CWF19L2: variants seen among roughly 807,000 people sequenced by gnomAD.
CWF19L2 encodes CWF19 like cell cycle control factor 2.
A neutral mutation model predicts 111.7 loss-of-function variants in CWF19L2; 98 were observed. The observed-to-expected ratio is 0.88, with a 90% CI of 0.75 to 1.04. The LOEUF is 1.04. Among genes scored for constraint, CWF19L2 ranks in the 50% least tolerant of loss-of-function variants. The pLI is 0.00. For synonymous variants in CWF19L2, 351 were observed against 342.9 expected (o/e 1.02, Z -0.26); for missense variants, 1,101 against 1,051.4 (o/e 1.05, Z -0.65).
intron 4 of CWF19L2, among the ~76,000 whole-genome samples, chr11:107,442,228 G>A (rs1861627637): frequency 6.6e-6 from 1 of 152,208 alleles, no homozygotes. Flanking sequence ...TCTCACAGTA[G>A]AAGGGGAAGG....
At chr11:107,439,912 A>G (rs913874530) in intron 5 of CWF19L2, among the ~76,000 whole-genome samples, 1 of 152,156 alleles carries the variant, frequency 6.6e-6, no homozygotes, top group Non-Finnish European at 1.5e-5. Flanking sequence ...CTCAGCATGG[A>G]GGAAAGTCTG....
chr11:107,420,835 G>C (rs1861293552), intron 8 of CWF19L2, among the ~76,000 whole-genome samples: 1 of 152,050 alleles, frequency 6.6e-6, no homozygotes, highest in Non-Finnish European at 1.5e-5. Flanking sequence ...GAGCATGGTT[G>C]ATCATGGGTA....
chr11:107,414,197 T>C (rs1352562342), intron 10 of CWF19L2, among the ~76,000 whole-genome samples: 1 of 152,090 alleles, frequency 6.6e-6, no homozygotes, highest in African/African-American at 2.4e-5. Context: ...TATTTATTTA[T>C]TTATTCTTTT....
intron 6 of CWF19L2, among the ~76,000 whole-genome samples, chr11:107,435,458 G>C (rs1187646784): frequency 1.3e-5 from 2 of 151,716 alleles, no homozygotes; most frequent in Non-Finnish European, 2.9e-5. Flanking sequence ...GATGGACATA[G>C]TAAAAATTTC....
chr11:107,455,121 T>C (rs1861835057), intron 2 of CWF19L2, among the ~76,000 whole-genome samples: 1 of 152,112 alleles, frequency 6.6e-6, no homozygotes, highest in Non-Finnish European at 1.5e-5. Context: ...CCACATTTAA[T>C]AATAAGGTAT....
intron 12 of CWF19L2, among the ~76,000 whole-genome samples, chr11:107,359,308 T>C (rs1397215279): frequency 6.6e-6 from 1 of 152,214 alleles, no homozygotes; most frequent in Non-Finnish European, 1.5e-5. Context: ...TGGCATGCCA[T>C]GCTTCTGCCA....
At chr11:107,439,445 A>T (rs991996222) in intron 5 of CWF19L2, among the ~76,000 whole-genome samples, 8 of 152,210 alleles carry the variant, frequency 5.3e-5, no homozygotes, top group African/African-American at 1.7e-4. Context: ...AGCCCTTGCT[A>T]ACTTTTAGTT....
chr11:107,342,766 A>C (rs1364296461), intron 14 of CWF19L2, among the ~76,000 whole-genome samples: 2 of 152,194 alleles, frequency 1.3e-5, no homozygotes, highest in African/African-American at 4.8e-5. Context: ...TATAACTAAG[A>C]ATCTTGATAC....
At chr11:107,367,994 C>G (rs1860456504) in intron 12 of CWF19L2, among the ~76,000 whole-genome samples, 1 of 135,332 alleles carries the variant, frequency 7.4e-6, no homozygotes, top group South Asian at 2.5e-4. Flanking sequence ...CCTACATCAA[C>G]AAAGTAGAAA....
At chr11:107,332,815 A>C (rs1859869327) in intron 16 of CWF19L2, among the ~76,000 whole-genome samples, 1 of 152,068 alleles carries the variant, frequency 6.6e-6, no homozygotes. Context: ...CATCCACATA[A>C]TTATAAAATC....
intron 3 of CWF19L2, among the ~76,000 whole-genome samples, chr11:107,452,329 A>G (rs1780448576): frequency 6.6e-6 from 1 of 152,036 alleles, no homozygotes; most frequent in Non-Finnish European, 1.5e-5. Flanking sequence ...CTATAATTAC[A>G]TACTAGCTGT....
chr11:107,361,983 G>A (rs530580149), intron 12 of CWF19L2, among the ~76,000 whole-genome samples: 1,975 of 152,180 alleles, frequency 0.013, 24 homozygotes, highest in South Asian at 0.038. Flanking sequence ...TGCGTGAGCC[G>A]AAGCAGGGCG....
intron 4 of CWF19L2, 133 bp from the exon 5 acceptor site, chr11:107,441,755 T>C (rs1289013441): frequency 8.5e-6 from 7 of 819,550 alleles, no homozygotes; most frequent in African/African-American, 1.8e-5. Context: ...AAGTCCTACA[T>C]GGCTATATAA....
chr11:107,438,226 C>T (rs892563749), intron 6 of CWF19L2, among the ~76,000 whole-genome samples: 1 of 152,098 alleles, frequency 6.6e-6, no homozygotes. Flanking sequence ...GTAATACTAC[C>T]ATCTGTATAA....
At chr11:107,401,021 T>C (rs1042838612) in intron 10 of CWF19L2, among the ~76,000 whole-genome samples, 4 of 152,104 alleles carry the variant, frequency 2.6e-5, no homozygotes, top group African/African-American at 9.7e-5. Context: ...AGCATCCCTA[T>C]ATTATTAAAA....
At position 107,416,120 on chromosome 11, in the gene CWF19L2, AAAAAT is replaced by A. The variant is rs975297091; in HGVS notation, c.1617+84_1617+88del. On this transcript the variant is annotated intron_variant, in intron 10 of 17. Transcript: ENST00000282251. ...TCAAAAAAATAGATAAAATAAAATA[AAAAAT>A]AAAATAAAATAAAATAAAATATTAC... 12 of 340,780 alleles carry A rather than the reference AAAAAT, an allele frequency of 3.5e-5. No individual in the cohort carries two copies. In the South Asian group the frequency reaches 4.2e-4, roughly 12 times the overall value. 21.1% of individuals were successfully genotyped at this position (340,780 alleles called of 1,614,324 possible).
In CWF19L2 at chr11:107,428,851, C is replaced by CT; in HGVS notation, c.1380dup (p.Asp461ArgfsTer2). 1 of 1,613,134 alleles carries CT rather than the reference C, an allele frequency of 6.2e-7. No individual in the cohort carries two copies. The highest frequency in any genetic ancestry group is 8.5e-7 in the Non-Finnish European group (1 of 1,179,542). On this transcript the variant is annotated frameshift_variant, in exon 8 of 18. Transcript: ENST00000282251. LOFTEE classifies it high-confidence loss of function. ...AGATGTTCTTTTTTTGGAGGGTCATCTCTCAAGACTTCATCTTGTGATTTT... is the reference window on the plus strand; with the variant it reads ...AGATGTTCTTTTTTTGGAGGGTCATCTTCTCAAGACTTCATCTTGTGATTTT...
At chr11:107,415,768 C>T (rs74992874) in intron 10 of CWF19L2, among the ~76,000 whole-genome samples, 15,185 of 152,142 alleles carry the variant, frequency 0.1, 1,326 homozygotes, top group African/African-American at 0.22. Context: ...CACATAAACA[C>T]ACAGACACAT....
chr11:107,441,665 C>T, intron 4 of CWF19L2, 43 bp from the exon 5 acceptor site: 1 of 1,480,442 alleles, frequency 6.8e-7, no homozygotes, highest in Non-Finnish European at 8.9e-7. Context: ...ATCCACTCAT[C>T]ATTTCAATCT....
Sources: allele counts gnomAD v4.1 joint callset (sites outside exome capture counted in the v4.1 genomes callset), GRCh38; gene constraint gnomAD v4.1.1; transcripts MANE v1.5; gene names NCBI Gene and HGNC (gene_info 2026-07-23, HGNC 2026-07-21).